MARCHF3: variants seen among roughly 807,000 people sequenced by gnomAD.
MARCHF3 encodes E3 ubiquitin-protein ligase MARCHF3.
In MARCHF3, 13 loss-of-function variants were observed where a neutral mutation model predicts 24.2. The ratio of observed to expected loss-of-function variants is 0.54; its 90% CI spans 0.35 to 0.85. The LOEUF (loss-of-function observed/expected upper bound fraction) is 0.85. Among genes scored for constraint, MARCHF3 ranks in the 40% least tolerant of loss-of-function variants. The pLI, the probability that MARCHF3 is intolerant of heterozygous loss-of-function variation, is 0.01. For synonymous variants in MARCHF3, 144 were observed against 137.3 expected (o/e 1.05, Z -0.34); for missense variants, 276 against 325.0 (o/e 0.85, Z 1.16).
At chr5:126,978,870 T>C (rs1023252738) in intron 1 of MARCHF3, among the ~76,000 whole-genome samples, 15 of 152,314 alleles carry the variant, frequency 9.8e-5, no homozygotes, top group Admixed American at 1.3e-4. Flanking sequence ...CCTGGAATGT[T>C]ATGCAAACTA....
chr5:126,976,393 G>T (rs1399874919), intron 1 of MARCHF3, among the ~76,000 whole-genome samples: 2 of 152,096 alleles, frequency 1.3e-5, no homozygotes, highest in Admixed American at 6.5e-5. Flanking sequence ...TCAAATCTAG[G>T]TACAAGTCAA....
chr5:127,002,101 G>T (rs932789389), intron 1 of MARCHF3, among the ~76,000 whole-genome samples: 2 of 152,152 alleles, frequency 1.3e-5, no homozygotes, highest in Admixed American at 6.5e-5. Context: ...ATGACATGGC[G>T]CAAAAGGATT....
intron 3 of MARCHF3, among the ~76,000 whole-genome samples, chr5:126,912,748 C>G (rs1485471688): frequency 6.6e-6 from 1 of 152,234 alleles, no homozygotes; most frequent in Non-Finnish European, 1.5e-5. Context: ...CCAAAGACAA[C>G]TTCTTTTTAT....
At chr5:126,937,866 T>G (rs1749697679) in intron 1 of MARCHF3, among the ~76,000 whole-genome samples, 1 of 152,180 alleles carries the variant, frequency 6.6e-6, no homozygotes, top group Non-Finnish European at 1.5e-5. Context: ...TCTGCAGTTA[T>G]GACAAGCATA....
intron 1 of MARCHF3, among the ~76,000 whole-genome samples, chr5:126,928,390 T>C (rs1561432493): frequency 6.6e-6 from 1 of 152,202 alleles, no homozygotes; most frequent in Non-Finnish European, 1.5e-5. Context: ...TTCAATTGCC[T>C]GTTATAAGGC....
intron 1 of MARCHF3, among the ~76,000 whole-genome samples, chr5:127,005,935 C>T (rs2126853978): frequency 6.6e-6 from 1 of 152,170 alleles, no homozygotes; most frequent in Middle Eastern, 3.4e-3. Flanking sequence ...AGGGTGGTGG[C>T]TCATGCCTGT....
intron 3 of MARCHF3, among the ~76,000 whole-genome samples, chr5:126,880,284 C>T (rs917145120): frequency 2.0e-5 from 3 of 152,120 alleles, no homozygotes; most frequent in Admixed American, 6.5e-5. Flanking sequence ...ACCTTAAACA[C>T]GGGCTGAAAT....
intron 3 of MARCHF3, among the ~76,000 whole-genome samples, chr5:126,904,459 A>G (rs1267542598): frequency 6.8e-6 from 1 of 147,284 alleles, no homozygotes; most frequent in African/African-American, 2.6e-5. Context: ...ATTTCTCCAC[A>G]TCCTCTCCAG....
chr5:127,019,725 A>C (rs1752734479), intron 1 of MARCHF3, among the ~76,000 whole-genome samples: 1 of 152,176 alleles, frequency 6.6e-6, no homozygotes. Flanking sequence ...CACTGAATCA[A>C]CCAATCCTGC....
chr5:126,943,935 C>T (rs979394607), intron 1 of MARCHF3, among the ~76,000 whole-genome samples: 1 of 151,990 alleles, frequency 6.6e-6, no homozygotes, highest in Non-Finnish European at 1.5e-5. Context: ...CTCAGCCTCC[C>T]AAGTAGCTGG....
intron 1 of MARCHF3, among the ~76,000 whole-genome samples, chr5:127,021,869 A>G (rs1172397011): frequency 1.3e-5 from 2 of 152,244 alleles, no homozygotes; most frequent in African/African-American, 4.8e-5. Flanking sequence ...ACTTAGCCTC[A>G]AAAGACAAAC....
intron 1 of MARCHF3, among the ~76,000 whole-genome samples, chr5:126,925,741 G>A (rs1188037839): frequency 6.6e-6 from 1 of 152,078 alleles, no homozygotes; most frequent in Admixed American, 6.5e-5. Flanking sequence ...GAACAATGAG[G>A]GCACATCAGA....
chr5:126,940,742 C>T (rs1010677342), intron 1 of MARCHF3, among the ~76,000 whole-genome samples: 2 of 151,142 alleles, frequency 1.3e-5, no homozygotes, highest in African/African-American at 4.9e-5. Flanking sequence ...CCACTGTGCC[C>T]GGCCTAACTT....
intron 1 of MARCHF3, among the ~76,000 whole-genome samples, chr5:126,956,137 T>C (rs1357034593): frequency 6.6e-6 from 1 of 152,214 alleles, no homozygotes; most frequent in East Asian, 1.9e-4. Context: ...TTAAAATGAA[T>C]AGGTCTCAGA....
intron 3 of MARCHF3, chr5:126,914,720 C>G (rs1414901193): frequency 1.7e-6 from 1 of 595,572 alleles, no homozygotes; most frequent in Non-Finnish European, 3.0e-6. Context: ...AGTGAGCTAG[C>G]AAGCTCTCCC....
intron 1 of MARCHF3, among the ~76,000 whole-genome samples, chr5:126,950,873 T>A (rs556931880): frequency 6.6e-6 from 1 of 152,184 alleles, no homozygotes; most frequent in Admixed American, 6.5e-5. Flanking sequence ...TTTATTGAGG[T>A]ATAACTAAAA....
chr5:126,960,928 T>C (rs1245387859), intron 1 of MARCHF3, among the ~76,000 whole-genome samples: 4 of 152,122 alleles, frequency 2.6e-5, no homozygotes, highest in Non-Finnish European at 5.9e-5. Flanking sequence ...GATCAGACAA[T>C]AAATATTCTG....
rs774177209 is a variant in MARCHF3, at chr5:126,918,141, C to T, written c.31G>A (p.Glu11Lys). The change falls in exon 2 of 5, where the codon GAA becomes AAA. Residue 11 changes from glutamate (E) to lysine (K), a missense_variant. Physicochemically the swap from Glu to Lys is moderately conservative, Grantham distance 56. Coordinates refer to ENST00000308660, the MANE Select transcript of MARCHF3 (RefSeq NM_178450.5). MTTSRCSHLP[E>K]VLPDCTSSAA... The stretch of plus-strand genomic sequence containing the variant: ...GAGCTGGTGCAGTCTGGCAGGACTT[C>T]GGGCAGGTGACTGCAGCGGCTGGTT... 1.1e-5 allele frequency: 17 copies of T among 1,613,730 alleles called. No homozygotes were observed. The highest frequency in any genetic ancestry group is 1.7e-4 in the Middle Eastern group (1 of 5,974).
intron 4 of MARCHF3, among the ~76,000 whole-genome samples, chr5:126,874,522 G>C (rs992870302): frequency 2.0e-5 from 3 of 151,456 alleles, no homozygotes; most frequent in Non-Finnish European, 4.4e-5. Flanking sequence ...GGAGGCGGAG[G>C]TTGCGGTGAT....
Sources: allele counts gnomAD v4.1 joint callset (sites outside exome capture counted in the v4.1 genomes callset), GRCh38; gene constraint gnomAD v4.1.1; transcripts MANE v1.5; gene names NCBI Gene and HGNC (gene_info 2026-07-23, HGNC 2026-07-21).